Variants in XKR9 observed in about 807,000 individuals in gnomAD.
The protein encoded by XKR9 is XK related 9, also known as XK-related protein 9.
In XKR9, 32 loss-of-function variants were observed where a neutral mutation model predicts 32.0. The observed-to-expected ratio is 1.00, with a 90% confidence interval of 0.76 to 1.34. The LOEUF (loss-of-function observed/expected upper bound fraction) is 1.34. Among genes scored for constraint, XKR9 ranks in the 40% most tolerant of loss-of-function variants. XKR9 has a pLI of 0.00. For missense variants in XKR9, 546 were observed against 429.7 expected (o/e 1.27, Z -2.39); for synonymous variants, 168 against 143.4 (o/e 1.17, Z -1.22).
the XKR9 span, among the ~76,000 whole-genome samples, chr8:71,016,695 A>G: frequency 6.6e-6 from 1 of 152,216 alleles, no homozygotes. Flanking sequence ...ACATATTTCA[A>G]TTAGTCAAAC....
chr8:70,812,809 A>G, the XKR9 span, among the ~76,000 whole-genome samples: 8 of 152,226 alleles, frequency 5.3e-5, no homozygotes, highest in Non-Finnish European at 1.2e-4. Flanking sequence ...AAACAAATGG[A>G]AGAACATTCC....
At chr8:70,965,537 T>G in the XKR9 span, among the ~76,000 whole-genome samples, 8 of 152,232 alleles carry the variant, frequency 5.3e-5, no homozygotes, top group African/African-American at 1.9e-4. Flanking sequence ...CCAGCTTTTC[T>G]TTGTACCTCT....
At chr8:70,710,795 A>G (rs572685417) in intron 4 of XKR9, among the ~76,000 whole-genome samples, 5 of 152,278 alleles carry the variant, frequency 3.3e-5, no homozygotes, top group African/African-American at 1.2e-4. Flanking sequence ...ACTTAATTAA[A>G]CTAAAGAGCT....
At chr8:70,676,320 A>G (rs1156457324) in intron 2 of XKR9, among the ~76,000 whole-genome samples, 1 of 152,190 alleles carries the variant, frequency 6.6e-6, no homozygotes, top group East Asian at 1.9e-4. Flanking sequence ...GGGGGATTAC[A>G]ATTCAACATG....
chr8:70,899,108 G>A, the XKR9 span, among the ~76,000 whole-genome samples: 1 of 151,694 alleles, frequency 6.6e-6, no homozygotes, highest in Non-Finnish European at 1.5e-5. Context: ...GTAGTGATGG[G>A]GTCTCACTAT....
downstream of XKR9, among the ~76,000 whole-genome samples, chr8:70,794,823 T>TTGTGTGTGTGTGTGTGTGTGTGTG (rs56167343): frequency 6.8e-6 from 1 of 147,586 alleles, no homozygotes; most frequent in Admixed American, 6.8e-5. Flanking sequence ...TAGTCTTCTT[T>TTGTGTGTGTGTGTGTGTGTGTGTG]TGTGTGTGTG....
intron 2 of XKR9, among the ~76,000 whole-genome samples, chr8:70,752,689 G>C (rs1030770171): frequency 3.9e-5 from 6 of 152,082 alleles, no homozygotes; most frequent in African/African-American, 1.4e-4. Flanking sequence ...TTTTTTTCTT[G>C]TGTTGCTCAA....
chr8:70,910,483 G>A, the XKR9 span, among the ~76,000 whole-genome samples: 2 of 152,074 alleles, frequency 1.3e-5, no homozygotes, highest in African/African-American at 2.4e-5. Flanking sequence ...AAAAAATTAA[G>A]TTCTGTCAAA....
At chr8:70,809,024 GC>G in the XKR9 span, among the ~76,000 whole-genome samples, 1 of 152,210 alleles carries the variant, frequency 6.6e-6, no homozygotes, top group Non-Finnish European at 1.5e-5. Context: ...CCCTCGAGTA[GC>G]CTAACTGGTA....
the XKR9 span, among the ~76,000 whole-genome samples, chr8:70,886,224 C>CT: frequency 1.3e-5 from 2 of 152,128 alleles, no homozygotes; most frequent in Admixed American, 6.6e-5. Context: ...ATGAACTCAT[C>CT]TTTTTTTATG....
At chr8:71,022,378 A>G in the XKR9 span, among the ~76,000 whole-genome samples, 64,922 of 151,894 alleles carry the variant, frequency 0.43, 15,018 homozygotes, top group Non-Finnish European at 0.53. Context: ...TTCATTTATG[A>G]GAATAGTTTT....
intron 4 of XKR9, among the ~76,000 whole-genome samples, chr8:70,718,435 A>G (rs543883683): frequency 1.3e-5 from 2 of 151,956 alleles, no homozygotes; most frequent in African/African-American, 2.4e-5. Context: ...TAAGCCCCGC[A>G]TGCATTAGCT....
chr8:71,019,871 A>T, the XKR9 span, among the ~76,000 whole-genome samples: 106 of 152,346 alleles, frequency 7.0e-4, 1 homozygote, highest in East Asian at 0.017. Context: ...ATATAGTAAT[A>T]GTTAAGGTTT....
chr8:70,721,938 C>T lies in XKR9; in HGVS notation c.494-11858C>T, dbSNP rs186227866. ...TGTTATTGTGTGGGAGTCTAAGTCT[C>T]TTTGTACATCTCTAAGAACTTGCTT... On this transcript the variant is annotated intron_variant, in intron 4 of 4. Transcript: ENST00000408926. Among the ~76,000 whole-genome samples, 308 of 152,216 alleles carry T rather than the reference C, an allele frequency of 2.0e-3. 2 individuals are homozygous for T. Among genetic ancestry groups the T allele is most frequent in the African/African-American group, 7.2e-3 (300 of 41,544 alleles).
At chr8:70,721,781 G>A (rs1435341594) in intron 4 of XKR9, among the ~76,000 whole-genome samples, 1 of 152,192 alleles carries the variant, frequency 6.6e-6, no homozygotes, top group African/African-American at 2.4e-5. Flanking sequence ...ATATTCTGTT[G>A]ATTTGGGGTG....
At position 70,776,954 on chromosome 8, in the gene XKR9, T is replaced by TATATATATATATATATATATAC. The variant is rs1286110884; in HGVS notation, n.353-12375_353-12374insATATATATATACATATATATAT. The stretch of plus-strand genomic sequence containing the variant: ...CTCTCTCTCTCTCTCTCTCTATATA[T>TATATATATATATATATATATAC]ATATATATATGTATGTATTATACTT... On this transcript the variant is annotated intron_variant and non_coding_transcript_variant, in intron 2 of 3. Coordinates refer to the XKR9 transcript ENST00000520273. Among the ~76,000 whole-genome samples the TATATATATATATATATATATAC allele has an allele frequency of 7.9e-3, 692 of 87,780 alleles. 5 individuals are homozygous for TATATATATATATATATATATAC. The highest frequency in any genetic ancestry group is 0.02 in the Middle Eastern group (3 of 148). 57.6% of individuals were successfully genotyped at this position (87,780 alleles called of 152,430 possible).
At chr8:70,978,816 A>G in the XKR9 span, among the ~76,000 whole-genome samples, 1 of 152,126 alleles carries the variant, frequency 6.6e-6, no homozygotes, top group Non-Finnish European at 1.5e-5. Context: ...CCTGGATAAT[A>G]TCCTGCAGAG....
At chr8:70,696,943 C>T (rs1241709137) in intron 3 of XKR9, among the ~76,000 whole-genome samples, 1 of 150,448 alleles carries the variant, frequency 6.6e-6, no homozygotes. Context: ...CTCTTTGAAG[C>T]AATTGTGAAT....
chr8:70,803,053 T>A, the XKR9 span, among the ~76,000 whole-genome samples: 1 of 152,228 alleles, frequency 6.6e-6, no homozygotes, highest in African/African-American at 2.4e-5. Flanking sequence ...GTTTTTCAAG[T>A]TGCTTGCTTT....
Sources: allele counts gnomAD v4.1 joint callset (sites outside exome capture counted in the v4.1 genomes callset), GRCh38; gene constraint gnomAD v4.1.1; transcripts MANE v1.5; gene names NCBI Gene and HGNC (gene_info 2026-07-23, HGNC 2026-07-21).